PTPRT: variants seen among roughly 807,000 people sequenced by gnomAD.
PTPRT encodes receptor-type tyrosine-protein phosphatase T.
Under a neutral mutation model 176.8 loss-of-function variants are expected in PTPRT, and 56 were observed. The observed-to-expected ratio is 0.32, with a 90% CI of 0.26 to 0.40. The LOEUF is 0.40. Among genes scored for constraint, PTPRT ranks in the 10% least tolerant of loss-of-function variants. The probability of loss-of-function intolerance (pLI) is 1.00; values close to 1 mark genes in which losing one functional copy is unlikely to be tolerated. For synonymous variants in PTPRT, 783 were observed against 739.0 expected (o/e 1.06, Z -0.96); for missense variants, 1,540 against 1,908.2 (o/e 0.81, Z 3.60).
intron 7 of PTPRT, among the ~76,000 whole-genome samples, chr20:42,545,343 G>A (rs1436079685): frequency 6.6e-6 from 1 of 152,162 alleles, no homozygotes; most frequent in Non-Finnish European, 1.5e-5. Flanking sequence ...CACCCTAGTA[G>A]GATTCTGCAA....
chr20:42,566,859 T>C (rs1046749357), intron 7 of PTPRT, among the ~76,000 whole-genome samples: 7 of 152,228 alleles, frequency 4.6e-5, no homozygotes, highest in African/African-American at 1.7e-4. Flanking sequence ...AAATGTGCCA[T>C]GGCAATGTAA....
At chr20:42,855,148 C>A (rs181042146) in intron 2 of PTPRT, among the ~76,000 whole-genome samples, 69 of 152,166 alleles carry the variant, frequency 4.5e-4, no homozygotes, top group Non-Finnish European at 8.1e-4. Context: ...TCATTGGAAA[C>A]CTTTTCCAAT....
intron 8 of PTPRT, among the ~76,000 whole-genome samples, chr20:42,456,385 A>G (rs183008605): frequency 5.3e-5 from 8 of 152,146 alleles, no homozygotes; most frequent in Admixed American, 2.6e-4. Flanking sequence ...CTTATCTTCA[A>G]TGATAGCCAC....
chr20:42,719,029 G>C (rs1048491983), intron 6 of PTPRT, among the ~76,000 whole-genome samples: 2 of 152,198 alleles, frequency 1.3e-5, no homozygotes, highest in African/African-American at 4.8e-5. Context: ...CGAGGACTGA[G>C]GAAAAGGCAG....
chr20:43,020,866 T>C (rs552298834), intron 1 of PTPRT, among the ~76,000 whole-genome samples: 1 of 152,272 alleles, frequency 6.6e-6, no homozygotes, highest in East Asian at 1.9e-4. Context: ...TTAAGGATGA[T>C]GCTGCTGCTG....
At chr20:43,007,694 T>C (rs1251416606) in intron 1 of PTPRT, among the ~76,000 whole-genome samples, 2 of 152,176 alleles carry the variant, frequency 1.3e-5, no homozygotes, top group Admixed American at 6.5e-5. Context: ...ATGTGGCACA[T>C]TGTCCGGCGA....
intron 1 of PTPRT, among the ~76,000 whole-genome samples, chr20:43,077,922 A>T (rs1243034511): frequency 6.6e-6 from 1 of 152,144 alleles, no homozygotes; most frequent in Admixed American, 6.5e-5. Flanking sequence ...GTCCTAATTA[A>T]TGACTATACC....
intron 1 of PTPRT, among the ~76,000 whole-genome samples, chr20:42,929,593 T>G (rs1293479716): frequency 2.0e-5 from 3 of 152,210 alleles, no homozygotes; most frequent in Non-Finnish European, 4.4e-5. Flanking sequence ...AATTTAAAAA[T>G]TAATAATAAA....
chr20:42,545,821 CA>C (rs1302970646), intron 7 of PTPRT, among the ~76,000 whole-genome samples: 2 of 152,134 alleles, frequency 1.3e-5, no homozygotes, highest in Admixed American at 6.6e-5. Flanking sequence ...AAGTTAGCAA[CA>C]AGGTCCACAA....
chr20:42,396,195 A>G (rs13339925), intron 9 of PTPRT, among the ~76,000 whole-genome samples: 12,521 of 152,076 alleles, frequency 0.082, 649 homozygotes, highest in African/African-American at 0.13. Flanking sequence ...CCATCCTTCC[A>G]TTTGCTCAGT....
chr20:42,646,530 T>C (rs1295748115), intron 7 of PTPRT, among the ~76,000 whole-genome samples: 2 of 152,122 alleles, frequency 1.3e-5, no homozygotes, highest in Non-Finnish European at 2.9e-5. Context: ...ATGGTAGCCA[T>C]TGGCCATATG....
At chr20:42,930,349 G>T (rs1273866721) in intron 1 of PTPRT, among the ~76,000 whole-genome samples, 3 of 152,170 alleles carry the variant, frequency 2.0e-5, no homozygotes, top group Admixed American at 2.0e-4. Context: ...TGGACATTCA[G>T]CTCCATATCA....
At chr20:43,042,032 A>G (rs1307559002) in intron 1 of PTPRT, among the ~76,000 whole-genome samples, 3 of 152,212 alleles carry the variant, frequency 2.0e-5, no homozygotes, top group Non-Finnish European at 4.4e-5. Context: ...TGATGTTCAG[A>G]AAGTTCTTTA....
At chr20:42,712,729 T>C (rs1569104362) in intron 6 of PTPRT, among the ~76,000 whole-genome samples, 1 of 152,256 alleles carries the variant, frequency 6.6e-6, no homozygotes, top group African/African-American at 2.4e-5. Context: ...CTATGGAGAA[T>C]AATTTGGCCA....
intron 16 of PTPRT, among the ~76,000 whole-genome samples, chr20:42,189,235 G>A (rs1417483890): frequency 6.6e-6 from 1 of 152,000 alleles, no homozygotes; most frequent in African/African-American, 2.4e-5. Context: ...CTTCCACCTG[G>A]GTCAATCTGT....
intron 26 of PTPRT, 78 bp downstream of exon 26, chr20:42,102,046 G>A (rs1985990857): frequency 6.5e-7 from 1 of 1,534,798 alleles, no homozygotes; most frequent in South Asian, 1.2e-5. Flanking sequence ...AGGGCCCTGA[G>A]GTCCAGCCAC....
At chr20:42,573,831 C>T (rs1211441392) in intron 7 of PTPRT, among the ~76,000 whole-genome samples, 1 of 147,190 alleles carries the variant, frequency 6.8e-6, no homozygotes, top group Non-Finnish European at 1.5e-5. Context: ...TCACTGCATG[C>T]TCCGCCCCTC....
At chr20:42,347,758 C>T (rs1018203387) in intron 11 of PTPRT, among the ~76,000 whole-genome samples, 2 of 152,194 alleles carry the variant, frequency 1.3e-5, no homozygotes, top group African/African-American at 4.8e-5. Flanking sequence ...CTCCAAAAGC[C>T]TGACTCCTGT....
At chr20:42,709,192 G>A (rs781223120) in intron 6 of PTPRT, among the ~76,000 whole-genome samples, 7 of 152,190 alleles carry the variant, frequency 4.6e-5, no homozygotes, top group Non-Finnish European at 7.3e-5. Flanking sequence ...CTTTGTCATA[G>A]TCACCAGCAA....
Sources: gnomAD v4.1 joint callset for allele counts (sites outside exome capture counted in the v4.1 genomes callset) on GRCh38, gnomAD v4.1.1 for gene constraint, MANE v1.5 for transcripts, NCBI Gene and HGNC (gene_info 2026-07-23, HGNC 2026-07-21) for gene names.